The following SOX6 variants were observed in gnomAD, a reference collection of about 807,000 sequenced individuals.
SOX6 encodes the protein SRY-box transcription factor 6.
Under a neutral mutation model 97.8 loss-of-function variants are expected in SOX6, and 11 were observed. The observed-to-expected ratio is 0.11, with a 90% CI of 0.07 to 0.19. The LOEUF is 0.19. Ranked by LOEUF, SOX6 falls within the 10% of genes least tolerant of loss-of-function variation. SOX6 has a pLI of 1.00. For missense variants in SOX6, 810 were observed against 1,039.5 expected (o/e 0.78, Z 3.04); for synonymous variants, 360 against 371.4 (o/e 0.97, Z 0.35).
At chr11:16,143,876 G>A (rs971062225) in intron 6 of SOX6, among the ~76,000 whole-genome samples, 1 of 152,100 alleles carries the variant, frequency 6.6e-6, no homozygotes, top group African/African-American at 2.4e-5. Flanking sequence ...CCTACAAAGA[G>A]ACTTAGACTC....
chr11:16,095,914 T>TTA, intron 9 of SOX6, 82 bp downstream of exon 9: 2 of 1,236,244 alleles, frequency 1.6e-6, no homozygotes, highest in Non-Finnish European at 2.2e-6. Context: ...TTTGCCACTT[T>TTA]AAAAAAAAAA....
rs531901896 is a variant in SOX6 at position 16,466,947 on chromosome 11, A to C, written c.-5+9368T>G. ...CTCCGTCTCAAAAAAAAAAAAAAAAAAAAAAAACAACTCCATGAAAAAGTG... is the reference window on the plus strand; with the variant it reads ...CTCCGTCTCAAAAAAAAAAAAAAAACAAAAAAACAACTCCATGAAAAAGTG... On this transcript the variant is annotated intron_variant, in intron 1 of 15. Coordinates refer to the SOX6 transcript ENST00000396356. Among the ~76,000 whole-genome samples, 1,097 of 150,618 alleles carry C rather than the reference A, an allele frequency of 7.3e-3. 4 individuals are homozygous for C. The highest frequency in any genetic ancestry group is 0.011 in the Non-Finnish European group (760 of 67,532).
chr11:16,418,490 AT>A (rs1280192150), intron 1 of SOX6, among the ~76,000 whole-genome samples: 22 of 152,204 alleles, frequency 1.4e-4, no homozygotes. Flanking sequence ...TCAAGGCAGA[AT>A]ATAACAATTA....
intron 1 of SOX6, among the ~76,000 whole-genome samples, chr11:16,434,780 TA>T (rs1234889977): frequency 6.6e-5 from 10 of 152,120 alleles, no homozygotes; most frequent in African/African-American, 2.4e-4. Flanking sequence ...CCATATAAAC[TA>T]AACATTAAAA....
chr11:16,094,097 C>T lies in SOX6; in HGVS notation c.1101+1899G>A, dbSNP rs138344291. ...AAAACTGAGGAAACTATCAAAGCAT[C>T]CAGATTTAAACTGCAAAGCTATGAA... On this transcript the variant is annotated intron_variant, in intron 9 of 15. Coordinates refer to ENST00000683767, the MANE Select transcript of SOX6 (RefSeq NM_001367873.1). Among the ~76,000 whole-genome samples, 298 of 151,952 alleles carry T rather than the reference C, an allele frequency of 2.0e-3. 2 individuals are homozygous for T. In the Middle Eastern group the frequency reaches 0.024, roughly 12 times the overall value.
chr11:16,730,029 A>AAT (rs34591978), intron 2 of SOX6, among the ~76,000 whole-genome samples: 2,743 of 142,324 alleles, frequency 0.019, 78 homozygotes, highest in African/African-American at 0.057. Context: ...AACTATCCTA[A>AAT]ATATATATAT....
chr11:16,109,913 T>C (rs1849187323), intron 7 of SOX6, among the ~76,000 whole-genome samples: 2 of 152,120 alleles, frequency 1.3e-5, no homozygotes, highest in Non-Finnish European at 2.9e-5. Flanking sequence ...CATAATCAAA[T>C]ACAGCTCTGT....
At chr11:16,666,938 A>T (rs899662814) in intron 3 of SOX6, among the ~76,000 whole-genome samples, 1 of 152,136 alleles carries the variant, frequency 6.6e-6, no homozygotes, top group Admixed American at 6.5e-5. Flanking sequence ...CAGAAAGTTT[A>T]TTCAAAATAT....
intron 1 of SOX6, among the ~76,000 whole-genome samples, chr11:16,373,676 A>G (rs1590167506): frequency 6.6e-6 from 1 of 152,038 alleles, no homozygotes; most frequent in African/African-American, 2.4e-5. Context: ...TCTGGTTGAT[A>G]TGTGCTTAAC....
chr11:16,098,604 T>C (rs555119690), intron 7 of SOX6, among the ~76,000 whole-genome samples: 1 of 152,014 alleles, frequency 6.6e-6, no homozygotes, highest in South Asian at 2.1e-4. Flanking sequence ...AAAATTAGTA[T>C]GTGTGGATAA....
At chr11:16,196,475 C>T (rs955425043) in intron 4 of SOX6, among the ~76,000 whole-genome samples, 9 of 152,112 alleles carry the variant, frequency 5.9e-5, no homozygotes, top group Admixed American at 3.9e-4. Flanking sequence ...ATAATATTTC[C>T]TAAATATACT....
At chr11:16,519,099 G>T (rs1022260380) in intron 4 of SOX6, among the ~76,000 whole-genome samples, 1 of 152,182 alleles carries the variant, frequency 6.6e-6, no homozygotes, top group Admixed American at 6.5e-5. Context: ...GTAAGAAAGA[G>T]AGAAAGGCTA....
At chr11:16,093,767 C>T (rs914985558) in intron 9 of SOX6, among the ~76,000 whole-genome samples, 6 of 151,872 alleles carry the variant, frequency 4.0e-5, no homozygotes, top group Non-Finnish European at 7.4e-5. Flanking sequence ...GGAGAAGACC[C>T]TAGCTAGAAA....
At chr11:16,561,925 C>T (rs2133192455) in intron 4 of SOX6, among the ~76,000 whole-genome samples, 1 of 151,908 alleles carries the variant, frequency 6.6e-6, no homozygotes, top group South Asian at 2.1e-4. Flanking sequence ...CAGAAACTTG[C>T]TATGTTGCCC....
chr11:16,444,100 T>C (rs1437621354), intron 1 of SOX6, among the ~76,000 whole-genome samples: 1 of 151,960 alleles, frequency 6.6e-6, no homozygotes, highest in Non-Finnish European at 1.5e-5. Context: ...TAATGAGATT[T>C]GGAATAAGAA....
At chr11:16,732,926 G>C (rs1848362121) in intron 2 of SOX6, among the ~76,000 whole-genome samples, 1 of 152,154 alleles carries the variant, frequency 6.6e-6, no homozygotes, top group Non-Finnish European at 1.5e-5. Context: ...GTGGGTGAAG[G>C]ATATGAACAG....
intron 7 of SOX6, among the ~76,000 whole-genome samples, chr11:16,102,842 T>A (rs139064506): frequency 7.3e-4 from 111 of 152,008 alleles, no homozygotes; most frequent in African/African-American, 2.5e-3. Context: ...TGAATCTGGA[T>A]CCTCATCTCT....
intron 6 of SOX6, among the ~76,000 whole-genome samples, chr11:16,178,637 T>C (rs1209451333): frequency 1.3e-5 from 2 of 152,004 alleles, no homozygotes; most frequent in Non-Finnish European, 2.9e-5. Context: ...GAGTATCATA[T>C]GTATGTACAG....
intron 13 of SOX6, among the ~76,000 whole-genome samples, chr11:15,998,173 T>C (rs1040905761): frequency 5.9e-5 from 9 of 151,468 alleles, no homozygotes; most frequent in African/African-American, 1.9e-4. Flanking sequence ...TGTTCATATA[T>C]AATTGTTTAC....
Sources: allele counts gnomAD v4.1 joint callset (sites outside exome capture counted in the v4.1 genomes callset), GRCh38; gene constraint gnomAD v4.1.1; transcripts MANE v1.5; gene names NCBI Gene and HGNC (gene_info 2026-07-23, HGNC 2026-07-21).